PLA2G15: variants seen among roughly 807,000 people sequenced by gnomAD.
PLA2G15 encodes the protein lysosomal phospholipase A and acyltransferase.
A neutral mutation model predicts 40.9 loss-of-function variants in PLA2G15; 20 were observed. The ratio of observed to expected loss-of-function variants is 0.49; its 90% CI spans 0.34 to 0.71. The LOEUF (loss-of-function observed/expected upper bound fraction) is 0.71, where lower values mean the gene tolerates loss of function less well. Among genes scored for constraint, PLA2G15 ranks in the 30% least tolerant of loss-of-function variants. The pLI is 0.01. For synonymous variants in PLA2G15, 223 were observed against 228.2 expected (o/e 0.98, Z 0.21); for missense variants, 471 against 541.9 (o/e 0.87, Z 1.30).
chr16:68,257,681 T>C (rs1596951101), intron 5 of PLA2G15, among the ~76,000 whole-genome samples: 1 of 152,170 alleles, frequency 6.6e-6, no homozygotes, highest in African/African-American at 2.4e-5. Flanking sequence ...GGCATTGTGA[T>C]TGGGTCAGGC....
At chr16:68,249,255 G>A (rs1233666109) in intron 1 of PLA2G15, 35 bp from the exon 2 acceptor site, 2 of 1,605,758 alleles carry the variant, frequency 1.2e-6, no homozygotes, top group African/African-American at 1.3e-5. Flanking sequence ...AACCTGCCGG[G>A]CTGAGGGCTC....
At chr16:68,251,590 G>C (rs938032190) in intron 2 of PLA2G15, among the ~76,000 whole-genome samples, 6 of 152,176 alleles carry the variant, frequency 3.9e-5, no homozygotes, top group African/African-American at 1.4e-4. Context: ...TCTGAGGCAG[G>C]AGAAACGCTT....
intron 5 of PLA2G15, among the ~76,000 whole-genome samples, chr16:68,256,607 G>A (rs949696048): frequency 5.3e-5 from 8 of 151,952 alleles, no homozygotes; most frequent in South Asian, 4.1e-4. Flanking sequence ...TCTGCCTCCC[G>A]GGTTCAAGCG....
chr16:68,254,959 GAT>G lies in PLA2G15; in HGVS notation c.326_327del (p.Asp109GlyfsTer45). ...NKTSRATQFPDGVDVRVPGFG... is the reference protein window; with the variant it reads ...NKTSRATQFPXGVDVRVPGFG... Reference sequence around the variant, plus strand: ...AACATCCAGGGCCACCCAGTTTCCTGATGGTGTGGATGTACGTGTCCCTGGCT... The same window carrying G: ...AACATCCAGGGCCACCCAGTTTCCTGGGTGTGGATGTACGTGTCCCTGGCT... On this transcript the variant is annotated frameshift_variant, in exon 3 of 6. Transcript: ENST00000219345. LOFTEE classifies it high-confidence loss of function. 1 of 1,614,038 alleles carries G rather than the reference GAT, an allele frequency of 6.2e-7. No individual in the cohort carries two copies. Among genetic ancestry groups the G allele is most frequent in the Non-Finnish European group, 8.5e-7 (1 of 1,179,916 alleles).
Position 68,259,100 on chromosome 16 carries a change from A to G in PLA2G15, c.728-46A>G. On this transcript the variant is annotated intron_variant, in intron 5 of 5. Coordinates refer to ENST00000219345, the MANE Select transcript of PLA2G15 (RefSeq NM_012320.4). This position sits in a 1 kb window ranked among gnomAD's most constrained non-coding sequence, Gnocchi z 6.5. ...CTGGTGGTGAACATGCTGCCCAACCAGCTGGCATTCCTAAGCACAGACTGA... is the reference window on the plus strand; with the variant it reads ...CTGGTGGTGAACATGCTGCCCAACCGGCTGGCATTCCTAAGCACAGACTGA... 6.5e-7 allele frequency: 1 copy of G among 1,549,084 alleles called. No individual in the cohort carries two copies. Among genetic ancestry groups the G allele is most frequent in the Non-Finnish European group, 8.7e-7 (1 of 1,145,506 alleles).
chr16:68,259,984 A>T lies in PLA2G15; in HGVS notation c.*327A>T. ...CTGCCTGGGGCCATGTGTCCCCCCT[A>T]TTCCTGTGGGCTTTTCATACTTGCC... On this transcript the variant is annotated 3_prime_UTR_variant, in exon 6 of 6. Coordinates refer to ENST00000219345, the MANE Select transcript of PLA2G15 (RefSeq NM_012320.4). The surrounding 1 kb of genome is among the most constrained non-coding windows in gnomAD (Gnocchi z 6.5). 1 of 368,812 alleles carries T rather than the reference A, an allele frequency of 2.7e-6. No individual in the cohort carries two copies. The highest frequency in any genetic ancestry group is 5.0e-6 in the Non-Finnish European group (1 of 199,154). 22.8% of individuals were successfully genotyped at this position (368,812 alleles called of 1,614,324 possible). A position where few individuals can be genotyped will look rare whatever the true frequency, so the allele number is the denominator to read the frequency against.
intron 1 of PLA2G15, among the ~76,000 whole-genome samples, chr16:68,248,066 G>A (rs2042323766): frequency 6.6e-6 from 1 of 152,230 alleles, no homozygotes; most frequent in Admixed American, 6.5e-5. Flanking sequence ...CAGGGTGGCT[G>A]TTTCCAATAC....
intron 5 of PLA2G15, 65 bp downstream of exon 5, chr16:68,256,055 T>A: frequency 9.4e-7 from 1 of 1,066,578 alleles, no homozygotes; most frequent in Non-Finnish European, 1.4e-6. Flanking sequence ...CTTCCCTTCC[T>A]AAGTGTCCTC....
At chr16:68,246,554 C>T (rs1306614177) in intron 1 of PLA2G15, among the ~76,000 whole-genome samples, 2 of 152,190 alleles carry the variant, frequency 1.3e-5, no homozygotes, top group Non-Finnish European at 2.9e-5. Flanking sequence ...CAGGCCCCAC[C>T]AGGAGTTCCC....
rs533821652 is a variant in PLA2G15 at position 68,254,026 on chromosome 16, C to T, written c.285-893C>T. ...TGTTGTGTACTGCACTCACCACCTC[C>T]TTCACCTGGGATACGTTGGGCTGGC... is the stretch of plus-strand genomic sequence containing the variant. On this transcript the variant is annotated intron_variant, in intron 2 of 5. Coordinates refer to ENST00000219345, the MANE Select transcript of PLA2G15 (RefSeq NM_012320.4). 2.0e-5 allele frequency among the ~76,000 whole-genome samples: 3 copies of T among 152,248 alleles called. No individual in the cohort carries two copies. The South Asian group carries it at 6.2e-4, about 32-fold the overall frequency.
chr16:68,255,440 G>A lies in PLA2G15; in HGVS notation c.502+60G>A. 4 of 1,161,200 alleles carry A rather than the reference G, an allele frequency of 3.4e-6. No individual in the cohort carries two copies. The African/African-American group carries it at 4.6e-5, about 13-fold the overall frequency. The allele number at this position is 1,161,200 out of a possible 1,614,324, so 71.9% of individuals were successfully genotyped here. A position where few individuals can be genotyped will look rare whatever the true frequency, so the allele number is the denominator to read the frequency against. The stretch of plus-strand genomic sequence containing the variant: ...CGGGAGGTAGGGGTGAGGTGATCAT[G>A]GGCACCACAGACCTTGGGCTCTCCC... On this transcript the variant is annotated intron_variant, in intron 4 of 5. Transcript: ENST00000219345. This position sits in a 1 kb window ranked among gnomAD's most constrained non-coding sequence, Gnocchi z 5.9.
At chr16:68,250,569 C>A (rs1202655501) in intron 2 of PLA2G15, among the ~76,000 whole-genome samples, 1 of 152,120 alleles carries the variant, frequency 6.6e-6, no homozygotes, top group Admixed American at 6.5e-5. Context: ...CCACACCCAG[C>A]CCCATTCACT....
intron 1 of PLA2G15, 114 bp from the exon 2 acceptor site, chr16:68,249,176 C>G (rs1216420041): frequency 2.8e-5 from 22 of 777,860 alleles, no homozygotes; most frequent in Non-Finnish European, 4.5e-5. Context: ...TGGAACTGCA[C>G]AGGTCTGCCA....
At chr16:68,254,343 ATTTATTTAT>A (rs1275011113) in intron 2 of PLA2G15, 9 of 147,042 alleles carry the variant, frequency 6.1e-5, no homozygotes, top group African/African-American at 2.3e-4. Flanking sequence ...TTATTTATTT[ATTTATTTAT>A]TTTTTTGAGA....
At chr16:68,253,350 G>C in intron 2 of PLA2G15, 1 of 405,640 alleles carries the variant, frequency 2.5e-6, no homozygotes, top group South Asian at 1.9e-5. Context: ...CCTGAGGCAT[G>C]GTGCCTTTCT....
chr16:68,259,163 CCA>C lies in PLA2G15; in HGVS notation c.746_747del (p.Pro249ArgfsTer30), dbSNP rs1412793083. On this transcript the variant is annotated frameshift_variant, in exon 6 of 6. Coordinates refer to ENST00000219345, the MANE Select transcript of PLA2G15 (RefSeq NM_012320.4). LOFTEE classifies it high-confidence loss of function. The surrounding 1 kb of genome is among the most constrained non-coding windows in gnomAD (Gnocchi z 6.5). Reference sequence around the variant, plus strand: ...CCCTGCAGGAGACAACAACCGGATCCCAGTCATCGGGCCCCTGAAGATCCGGG... The same window carrying C: ...CCCTGCAGGAGACAACAACCGGATCCGTCATCGGGCCCCTGAAGATCCGGG... ...VLASGDNNRI[P>X]VIGPLKIREQ... is the part of the protein sequence containing the mutation. 1 of 1,612,948 alleles carries C rather than the reference CCA, an allele frequency of 6.2e-7. No individual in the cohort carries two copies. The highest frequency in any genetic ancestry group is 1.7e-5 in the Admixed American group (1 of 59,964).
In PLA2G15 at chr16:68,255,286, C is replaced by G; in HGVS notation, c.408C>G (p.Ser136=). The G allele has an allele frequency of 6.2e-7, 1 of 1,611,642 alleles. No individual in the cohort carries two copies. The highest frequency in any genetic ancestry group is 8.5e-7 in the Non-Finnish European group (1 of 1,177,872). The stretch of plus-strand genomic sequence containing the variant: ...CCTCTGTATTTCTGTCTACAGGTTC[C>G]TATTTCCACACCATGGTGGAGAGCC... The part of the protein sequence containing the change: ...FLDPSKSSVG[S]YFHTMVESLV... The change falls in exon 4 of 6, where the codon TCC becomes TCG. Residue 136 remains serine (S), a synonymous_variant. Transcript: ENST00000219345. This position sits in a 1 kb window ranked among gnomAD's most constrained non-coding sequence, Gnocchi z 5.9.
At chr16:68,247,452 G>A (rs1302784404) in intron 1 of PLA2G15, among the ~76,000 whole-genome samples, 2 of 152,196 alleles carry the variant, frequency 1.3e-5, no homozygotes, top group African/African-American at 2.4e-5. Context: ...AGTTCCAGGC[G>A]CAGATGGGCT....
intron 1 of PLA2G15, among the ~76,000 whole-genome samples, chr16:68,248,999 T>C (rs1240066035): frequency 6.6e-6 from 1 of 152,174 alleles, no homozygotes; most frequent in Non-Finnish European, 1.5e-5. Flanking sequence ...GAGACAATGT[T>C]AGGGCCCTTC....
Sources: allele counts gnomAD v4.1 joint callset (sites outside exome capture counted in the v4.1 genomes callset), GRCh38; gene constraint gnomAD v4.1.1; non-coding constraint Gnocchi (gnomAD v3.1); transcripts MANE v1.5; gene names NCBI Gene and HGNC (gene_info 2026-07-23, HGNC 2026-07-21).